The following TRIM44 variants were observed in gnomAD, a reference collection of about 807,000 sequenced individuals.
TRIM44 encodes tripartite motif-containing protein 44.
Under a neutral mutation model 37.4 loss-of-function variants are expected in TRIM44, and 13 were observed. That is an observed-to-expected ratio of 0.35 (90% CI 0.23 to 0.55). The LOEUF (loss-of-function observed/expected upper bound fraction) is 0.55. Among genes scored for constraint, TRIM44 ranks in the 20% least tolerant of loss-of-function variants. The pLI, the probability that TRIM44 is intolerant of heterozygous loss-of-function variation, is 0.89. For missense variants in TRIM44, 426 were observed against 437.2 expected, an observed-to-expected ratio of 0.97 and a Z score of 0.23; for synonymous variants, 175 against 157.2, an observed-to-expected ratio of 1.11 and a Z score of -0.85.
At chr11:35,783,401 A>C (rs1205565991) in intron 4 of TRIM44, among the ~76,000 whole-genome samples, 1 of 152,134 alleles carries the variant, frequency 6.6e-6, no homozygotes, top group Non-Finnish European at 1.5e-5. Context: ...ACTTCTTTTA[A>C]TTTATGTGAC....
At chr11:35,673,917 A>G (rs916197683) in intron 1 of TRIM44, among the ~76,000 whole-genome samples, 2 of 151,862 alleles carry the variant, frequency 1.3e-5, no homozygotes, top group African/African-American at 4.8e-5. Flanking sequence ...CAAGTCTGAG[A>G]AGCCAGAGAT....
intron 4 of TRIM44, among the ~76,000 whole-genome samples, chr11:35,792,876 G>A (rs1381591406): frequency 2.6e-5 from 4 of 152,180 alleles, no homozygotes; most frequent in Admixed American, 2.0e-4. Flanking sequence ...TCATCCTTTG[G>A]TAGGGTCTAG....
intron 4 of TRIM44, among the ~76,000 whole-genome samples, chr11:35,761,405 C>A (rs34727292): frequency 0.21 from 31,840 of 150,158 alleles, 3,729 homozygotes; most frequent in Admixed American, 0.31. Flanking sequence ...CTCTCTCTCT[C>A]TATATATATA....
At chr11:35,686,362 G>GTTTTTTTTTTTTTT (rs201740615) in intron 2 of TRIM44, among the ~76,000 whole-genome samples, 2 of 143,768 alleles carry the variant, frequency 1.4e-5, no homozygotes, top group African/African-American at 5.3e-5. Flanking sequence ...GGTTCTTTTT[G>GTTTTTTTTTTTTTT]TTTTTGTTTT....
At chr11:35,741,591 G>A (rs1852397504) in intron 4 of TRIM44, among the ~76,000 whole-genome samples, 1 of 151,440 alleles carries the variant, frequency 6.6e-6, no homozygotes, top group Non-Finnish European at 1.5e-5. Context: ...AAGAGGAAGG[G>A]GCATGGATGC....
intron 1 of TRIM44, among the ~76,000 whole-genome samples, chr11:35,669,987 G>C (rs986548980): frequency 6.6e-6 from 1 of 151,186 alleles, no homozygotes; most frequent in African/African-American, 2.4e-5. Flanking sequence ...ACACCCGCCT[G>C]ATTTTTTGTA....
chr11:35,685,390 C>T (rs1851563698), intron 2 of TRIM44, 54 bp downstream of exon 2: 5 of 1,478,528 alleles, frequency 3.4e-6, no homozygotes, highest in Non-Finnish European at 3.8e-6. Flanking sequence ...TTTCATTCTC[C>T]TTGAGCTAAA....
chr11:35,698,278 T>G (rs1415264270), intron 2 of TRIM44, among the ~76,000 whole-genome samples: 2 of 138,016 alleles, frequency 1.4e-5, no homozygotes, highest in African/African-American at 5.7e-5. Flanking sequence ...CAGCATGATT[T>G]ATAATCCTTT....
At chr11:35,692,103 G>A (rs2135494462) in intron 2 of TRIM44, among the ~76,000 whole-genome samples, 1 of 152,270 alleles carries the variant, frequency 6.6e-6, no homozygotes, top group South Asian at 2.1e-4. Context: ...GTAGAAAAAT[G>A]TAGAAGACCC....
chr11:35,722,972 T>C (rs959084832), intron 2 of TRIM44, among the ~76,000 whole-genome samples: 1 of 152,142 alleles, frequency 6.6e-6, no homozygotes, highest in Non-Finnish European at 1.5e-5. Context: ...GCAATACTTT[T>C]CTGAAACAAA....
chr11:35,726,861 T>TA (rs141296769), intron 3 of TRIM44, among the ~76,000 whole-genome samples: 18,483 of 146,032 alleles, frequency 0.13, 1,152 homozygotes, highest in Non-Finnish European at 0.14. Flanking sequence ...AGGTAGCCAT[T>TA]AAAAAAAAAA....
At chr11:35,707,693 G>A (rs1010284456) in intron 2 of TRIM44, among the ~76,000 whole-genome samples, 2 of 147,732 alleles carry the variant, frequency 1.4e-5, no homozygotes, top group African/African-American at 4.9e-5. Flanking sequence ...ATGGTGCTGG[G>A]AAAACTGGCT....
chr11:35,699,326 A>C (rs1477796729), intron 2 of TRIM44, among the ~76,000 whole-genome samples: 1 of 152,238 alleles, frequency 6.6e-6, no homozygotes, highest in Non-Finnish European at 1.5e-5. Context: ...ATAATCCAGC[A>C]TATAAACAGA....
intron 4 of TRIM44, among the ~76,000 whole-genome samples, chr11:35,792,461 A>G (rs1853228245): frequency 6.6e-6 from 1 of 152,180 alleles, no homozygotes; most frequent in South Asian, 2.1e-4. Context: ...TGATCCTAAC[A>G]TATTATACTA....
intron 2 of TRIM44, among the ~76,000 whole-genome samples, chr11:35,685,601 G>T (rs115777245): frequency 6.6e-6 from 1 of 152,126 alleles, no homozygotes; most frequent in Non-Finnish European, 1.5e-5. Flanking sequence ...TTTACCAGGG[G>T]TCTTTGAATC....
intron 4 of TRIM44, among the ~76,000 whole-genome samples, chr11:35,755,563 A>T (rs1852625882): frequency 6.6e-6 from 1 of 152,054 alleles, no homozygotes; most frequent in Non-Finnish European, 1.5e-5. Flanking sequence ...GGTGTTTTAG[A>T]CATGAAGTCC....
At chr11:35,741,959 CT>C (rs1852402928) in intron 4 of TRIM44, among the ~76,000 whole-genome samples, 1 of 152,082 alleles carries the variant, frequency 6.6e-6, no homozygotes, top group Non-Finnish European at 1.5e-5. Context: ...GAGACAGGGA[CT>C]TGCTTTGTCA....
intron 1 of TRIM44, among the ~76,000 whole-genome samples, chr11:35,667,264 C>T (rs998500199): frequency 6.6e-6 from 1 of 152,124 alleles, no homozygotes; most frequent in African/African-American, 2.4e-5. Flanking sequence ...TGATGAATTA[C>T]ATTAATTGAT....
Position 35,817,892 on chromosome 11 carries a change from C to T in TRIM44, c.*11507C>T, listed in dbSNP as rs1853597445. 6.6e-6 allele frequency: 1 copy of T among 152,188 alleles called. No individual in the cohort carries two copies. Among genetic ancestry groups the T allele is most frequent in the Non-Finnish European group, 1.5e-5 (1 of 68,058 alleles). 9.4% of individuals were successfully genotyped at this position (152,188 alleles called of 1,614,324 possible). A position where few individuals can be genotyped will look rare whatever the true frequency, so the allele number is the denominator to read the frequency against. The stretch of plus-strand genomic sequence containing the variant: ...ATGTAAAGTGCTCACTCCCCCTTTG[C>T]CTTCCACCATGATTGTAAGTTTCCT... On this transcript the variant is annotated 3_prime_UTR_variant, in exon 5 of 5. Coordinates refer to ENST00000299413, the MANE Select transcript of TRIM44 (RefSeq NM_017583.6).
Sources: allele counts gnomAD v4.1 joint callset (sites outside exome capture counted in the v4.1 genomes callset), GRCh38; gene constraint gnomAD v4.1.1; transcripts MANE v1.5; gene names NCBI Gene and HGNC (gene_info 2026-07-23, HGNC 2026-07-21).